Variants in FRMD5 observed in about 807,000 individuals in gnomAD.
The protein encoded by FRMD5 is FERM domain-containing protein 5.
Under a neutral mutation model 69.0 loss-of-function variants are expected in FRMD5, and 20 were observed. The observed-to-expected ratio is 0.29, with a 90% CI of 0.20 to 0.42. The LOEUF (loss-of-function observed/expected upper bound fraction) is 0.42, where lower values mean the gene tolerates loss of function less well. Among genes scored for constraint, FRMD5 ranks in the 10% least tolerant of loss-of-function variants. The pLI is 1.00. For missense variants in FRMD5, 595 were observed against 708.6 expected, an observed-to-expected ratio of 0.84 and a Z score of 1.82; for synonymous variants, 271 against 260.1, an observed-to-expected ratio of 1.04 and a Z score of -0.40.
intron 1 of FRMD5, among the ~76,000 whole-genome samples, chr15:44,177,022 GA>G (rs1415927454): frequency 6.7e-6 from 1 of 150,202 alleles, no homozygotes; most frequent in Non-Finnish European, 1.5e-5. Flanking sequence ...GGAGAAACTG[GA>G]ACCCTTGAGC....
intron 1 of FRMD5, among the ~76,000 whole-genome samples, chr15:44,098,538 A>AG (rs1555403687): frequency 0.016 from 2,315 of 145,528 alleles, 130 homozygotes; most frequent in East Asian, 0.15. Flanking sequence ...AAAAAAAAAA[A>AG]AGAGAGAGAG....
At chr15:44,122,771 G>A (rs557179018) in intron 1 of FRMD5, among the ~76,000 whole-genome samples, 2 of 152,064 alleles carry the variant, frequency 1.3e-5, no homozygotes, top group Non-Finnish European at 1.5e-5. Flanking sequence ...AGGCGTGGTG[G>A]CGGGCACCTG....
intron 1 of FRMD5, among the ~76,000 whole-genome samples, chr15:44,030,284 C>A (rs1891624067): frequency 6.6e-6 from 1 of 151,910 alleles, no homozygotes; most frequent in South Asian, 2.1e-4. Flanking sequence ...ATTTACGTAT[C>A]CAAATCCCAT....
rs542838703 is a variant in FRMD5 at position 43,933,934 on chromosome 15, T to C, written c.103-9625A>G. Among the ~76,000 whole-genome samples the C allele has an allele frequency of 2.0e-5, 3 of 152,356 alleles. No homozygotes were observed. The South Asian group carries it at 6.2e-4, about 32-fold the overall frequency. On this transcript the variant is annotated intron_variant, in intron 1 of 13. Coordinates refer to ENST00000417257, the MANE Select transcript of FRMD5 (RefSeq NM_032892.5). ...TCCCCTTCTCACCCCAGATCTGCTG[T>C]CAGTGACAGGGAGTCTGTTCCAGAA...
intron 1 of FRMD5, among the ~76,000 whole-genome samples, chr15:44,125,268 C>T (rs189110314): frequency 5.9e-5 from 9 of 151,978 alleles, no homozygotes; most frequent in African/African-American, 2.2e-4. Flanking sequence ...TGCCACTGCA[C>T]TCCAGCCTGG....
chr15:44,090,959 C>CA (rs1163100407), intron 1 of FRMD5, among the ~76,000 whole-genome samples: 7 of 152,140 alleles, frequency 4.6e-5, no homozygotes, highest in Non-Finnish European at 4.4e-5. Context: ...CAACCTAACA[C>CA]AACCAGCTTG....
At chr15:43,971,133 A>C (rs1346561083) in intron 1 of FRMD5, among the ~76,000 whole-genome samples, 1 of 152,042 alleles carries the variant, frequency 6.6e-6, no homozygotes, top group Non-Finnish European at 1.5e-5. Context: ...CCAGCTACTC[A>C]TCAGGCTGAG....
intron 1 of FRMD5, among the ~76,000 whole-genome samples, chr15:43,944,488 C>A (rs778436885): frequency 1.3e-5 from 2 of 152,238 alleles, no homozygotes; most frequent in Non-Finnish European, 1.5e-5. Context: ...GTGGCGCAAT[C>A]TCTGCTCACT....
chr15:43,914,151 T>C (rs572385152), intron 4 of FRMD5, among the ~76,000 whole-genome samples: 35 of 152,308 alleles, frequency 2.3e-4, no homozygotes, highest in African/African-American at 6.5e-4. Flanking sequence ...CTCCAGGGTA[T>C]TGGCTTTGGC....
At position 43,871,270 on chromosome 15, in the gene FRMD5, G is replaced by A. The variant is rs2088153945; in HGVS notation, c.*2615C>T. On this transcript the variant is annotated 3_prime_UTR_variant, in exon 14 of 14. Transcript: ENST00000417257. ...AGCCCTGGAAAAAAACAACCCTAAA[G>A]TTTCTGTTTACAGAGCAAAATTTAG... 2 of 152,264 alleles carry A rather than the reference G, an allele frequency of 1.3e-5. No individual in the cohort carries two copies. Among genetic ancestry groups the A allele is most frequent in the Middle Eastern group, 3.4e-3 (1 of 294 alleles). 9.4% of individuals were successfully genotyped at this position (152,264 alleles called of 1,614,324 possible). A position where few individuals can be genotyped will look rare whatever the true frequency, so the allele number is the denominator to read the frequency against.
intron 1 of FRMD5, among the ~76,000 whole-genome samples, chr15:44,165,330 G>A (rs772762942): frequency 4.6e-5 from 7 of 152,144 alleles, no homozygotes; most frequent in Non-Finnish European, 1.0e-4. Flanking sequence ...GCCGATGCAG[G>A]AGGATTGCTC....
At chr15:43,978,484 T>C (rs2090498750) in intron 1 of FRMD5, among the ~76,000 whole-genome samples, 1 of 152,188 alleles carries the variant, frequency 6.6e-6, no homozygotes, top group Non-Finnish European at 1.5e-5. Context: ...TAGGTGGCAA[T>C]GTTCTATTTC....
At chr15:44,085,023 G>C (rs1894140802) in intron 1 of FRMD5, among the ~76,000 whole-genome samples, 1 of 152,014 alleles carries the variant, frequency 6.6e-6, no homozygotes, top group South Asian at 2.1e-4. Context: ...ATTTACCTAT[G>C]GAAATCTAAT....
rs112624404 is a variant in FRMD5, at chr15:44,091,322, A to G, written c.102+103631T>C. Among the ~76,000 whole-genome samples the G allele has an allele frequency of 7.2e-3, 1,091 of 152,292 alleles. 15 individuals are homozygous for G. Among genetic ancestry groups the G allele is most frequent in the African/African-American group, 0.024 (1,000 of 41,562 alleles). On this transcript the variant is annotated intron_variant, in intron 1 of 13. Transcript: ENST00000417257. Reference sequence around the variant, plus strand: ...TTATGATATTATTTACATTTTACATATATAGCCTGATATATATAGATATAT... The same window carrying G: ...TTATGATATTATTTACATTTTACATGTATAGCCTGATATATATAGATATAT...
At chr15:44,083,364 T>C (rs953837110) in intron 1 of FRMD5, among the ~76,000 whole-genome samples, 1 of 151,996 alleles carries the variant, frequency 6.6e-6, no homozygotes, top group African/African-American at 2.4e-5. Context: ...CAAGATTAGA[T>C]TTCATTTTCT....
In FRMD5 at chr15:43,892,053, G is replaced by A. The variant is rs939720972; in HGVS notation, c.656C>T (p.Ala219Val). Residue 219 changes from alanine to valine, a missense_variant, in exon 8 of 14, where the codon GCT becomes GTT. By Grantham distance (64) the Ala-to-Val change is moderately conservative. This residue lies in a region of FRMD5 where 176 missense variants were observed against 266.3 expected (regional missense o/e 0.66). Transcript: ENST00000417257. ...PHPCKDVSGN[A>V]AFLAFTPFGF... ...AAAAGGAGTGAAGGCCAGAAATGCA[G>A]CATTTCCTGACACGTCCTGCAACAC... The A allele has an allele frequency of 6.2e-7, 1 of 1,614,108 alleles. No homozygotes were observed. The highest frequency in any genetic ancestry group is 8.5e-7 in the Non-Finnish European group (1 of 1,179,974).
intron 1 of FRMD5, among the ~76,000 whole-genome samples, chr15:44,128,824 T>G (rs577671941): frequency 4.0e-5 from 6 of 151,232 alleles, no homozygotes; most frequent in Non-Finnish European, 8.8e-5. Context: ...AATAGGGAAA[T>G]TAAAGGAGCT....
chr15:44,172,498 A>G (rs35970055), intron 1 of FRMD5, among the ~76,000 whole-genome samples: 1 of 152,146 alleles, frequency 6.6e-6, no homozygotes, highest in African/African-American at 2.4e-5. Context: ...AATTCTAGGC[A>G]AATTATAAAC....
At chr15:44,058,830 A>C (rs1892978123) in intron 1 of FRMD5, among the ~76,000 whole-genome samples, 1 of 151,524 alleles carries the variant, frequency 6.6e-6, no homozygotes, top group Non-Finnish European at 1.5e-5. Flanking sequence ...GGGCTGTTTT[A>C]TTGTGGGGAA....
Sources: gnomAD v4.1 joint callset for allele counts (sites outside exome capture counted in the v4.1 genomes callset) on GRCh38, gnomAD v4.1.1 for gene constraint, gnomAD v4.1.1 regional missense constraint, MANE v1.5 for transcripts, NCBI Gene and HGNC (gene_info 2026-07-23, HGNC 2026-07-21) for gene names.